The following KIF18A variants were observed in gnomAD, a reference collection of about 807,000 sequenced individuals.
KIF18A encodes kinesin family member 18A, also known as kinesin-like protein KIF18A.
A neutral mutation model predicts 103.3 loss-of-function variants in KIF18A; 67 were observed. The ratio of observed to expected loss-of-function variants is 0.65; its 90% confidence interval spans 0.53 to 0.79. The LOEUF (loss-of-function observed/expected upper bound fraction) is 0.79. Among genes scored for constraint, KIF18A ranks in the 30% least tolerant of loss-of-function variants. The pLI, the probability that KIF18A is intolerant of heterozygous loss-of-function variation, is 0.00. For missense variants in KIF18A, 1,032 were observed against 1,062.5 expected (o/e 0.97, Z 0.40); for synonymous variants, 367 against 355.5 (o/e 1.03, Z -0.36).
At chr11:28,094,545 T>G in intron 3 of KIF18A, 98 bp downstream of exon 3, 1 of 841,664 alleles carries the variant, frequency 1.2e-6, no homozygotes, top group Admixed American at 2.5e-5. Context: ...TTAATGATTT[T>G]ATATATTCAC....
rs186640381 is a variant in KIF18A at position 28,106,312 on chromosome 11, T to G, written c.-47+1752A>C. Among the ~76,000 whole-genome samples the G allele has an allele frequency of 1.2e-3, 184 of 152,274 alleles. 1 individual carries two copies. Among genetic ancestry groups the G allele is most frequent in the Admixed American group, 0.01 (153 of 15,298 alleles). ...GAAGTAGAGTGACAGTTATGATATATTAAATACAAACTCAAACCTGAATTA... is the reference window on the plus strand; with the variant it reads ...GAAGTAGAGTGACAGTTATGATATAGTAAATACAAACTCAAACCTGAATTA... On this transcript the variant is annotated intron_variant, in intron 1 of 16. Coordinates refer to ENST00000263181, the MANE Select transcript of KIF18A (RefSeq NM_031217.4).
chr11:28,062,443 A>T lies in KIF18A; in HGVS notation c.1664T>A (p.Met555Lys). Residue 555 changes from methionine to lysine, a missense_variant, in exon 12 of 17, where the codon ATG (methionine) becomes AAG (lysine). Transcript: ENST00000263181. The stretch of plus-strand genomic sequence containing the variant: ...TTCCTGAAGACAAGCTAGATCCATC[A>T]TATGTCTAATTTGTGCTTTCAAATC... ...NKDLKAQIRHMMDLACLQEQQ... is the reference protein window; with the variant it reads ...NKDLKAQIRHKMDLACLQEQQ... 2 of 1,612,020 alleles carry T rather than the reference A, an allele frequency of 1.2e-6. No individual in the cohort carries two copies. The highest frequency in any genetic ancestry group is 2.2e-5 in the South Asian group (2 of 90,830).
At chr11:28,077,193 A>G in intron 9 of KIF18A, 24 bp from the exon 10 acceptor site, 2 of 1,508,420 alleles carry the variant, frequency 1.3e-6, no homozygotes, top group South Asian at 2.5e-5. Flanking sequence ...AACACATTAC[A>G]GAATCTCACT....
At chr11:28,083,097 G>A in intron 8 of KIF18A, 72 bp downstream of exon 8, 1 of 1,525,524 alleles carries the variant, frequency 6.6e-7, no homozygotes, top group Non-Finnish European at 8.8e-7. Context: ...TAAATTTTTG[G>A]ACAATTAAGA....
At position 28,069,349 on chromosome 11, in the gene KIF18A, C is replaced by T. The variant is rs377690350; in HGVS notation, c.1500G>A (p.Glu500=). 8 of 1,613,298 alleles carry T rather than the reference C, an allele frequency of 5.0e-6. No homozygotes were observed. The highest frequency in any genetic ancestry group is 1.7e-5 in the Admixed American group (1 of 59,928). Residue 500 remains glutamate (E), a synonymous_variant, in exon 11 of 17, where the codon GAG becomes GAA. Transcript: ENST00000263181. ...TATTCTCATCAAATTGCTTCAATTC[C>T]TCCTCCCTCCTTTTCTCCAGGTAGG... ...RRSYLEKRRE[E]ELKQFDENTN...
chr11:28,025,163 T>C (rs901513452), intron 15 of KIF18A, among the ~76,000 whole-genome samples: 3 of 152,072 alleles, frequency 2.0e-5, no homozygotes, highest in East Asian at 3.9e-4. Flanking sequence ...AAAACTTGAA[T>C]AAGGGGTGAC....
At chr11:28,022,389 C>T (rs1025658699) in intron 16 of KIF18A, among the ~76,000 whole-genome samples, 21 of 151,888 alleles carry the variant, frequency 1.4e-4, no homozygotes, top group African/African-American at 5.1e-4. Context: ...CTCAGCTTCC[C>T]GAGTAGCTGG....
intron 13 of KIF18A, among the ~76,000 whole-genome samples, chr11:28,045,738 G>C: frequency 6.6e-6 from 1 of 151,890 alleles, no homozygotes; most frequent in South Asian, 2.1e-4. Context: ...AAACACTAAT[G>C]AATCAAGAAA....
intron 6 of KIF18A, among the ~76,000 whole-genome samples, chr11:28,085,599 C>T (rs1390165828): frequency 1.3e-5 from 2 of 152,124 alleles, no homozygotes; most frequent in Non-Finnish European, 2.9e-5. Context: ...CCTATGATCA[C>T]GTGACTTGCC....
intron 6 of KIF18A, among the ~76,000 whole-genome samples, chr11:28,085,529 C>T (rs1334436906): frequency 2.0e-5 from 3 of 152,104 alleles, no homozygotes; most frequent in Non-Finnish European, 2.9e-5. Context: ...GAAGAAAACA[C>T]GGATGTATGC....
chr11:28,026,832 G>A (rs1459883227), intron 15 of KIF18A, among the ~76,000 whole-genome samples: 2 of 151,770 alleles, frequency 1.3e-5, no homozygotes, highest in African/African-American at 4.8e-5. Flanking sequence ...AGTGATAAAA[G>A]TAGACGAAAC....
chr11:28,035,344 C>A, intron 15 of KIF18A, 43 bp downstream of exon 15: 3 of 1,007,246 alleles, frequency 3.0e-6, no homozygotes, highest in East Asian at 2.6e-5. Context: ...TAAAGATTAT[C>A]TTATATAACT....
At chr11:28,087,593 G>A (rs545926136) in intron 6 of KIF18A, among the ~76,000 whole-genome samples, 9 of 152,188 alleles carry the variant, frequency 5.9e-5, no homozygotes, top group African/African-American at 1.2e-4. Flanking sequence ...TTCTTTGGGC[G>A]TATATACCCA....
At chr11:28,047,636 G>A (rs1000491082) in intron 13 of KIF18A, among the ~76,000 whole-genome samples, 2 of 152,062 alleles carry the variant, frequency 1.3e-5, no homozygotes, top group African/African-American at 4.8e-5. Context: ...GCCAGAGTTG[G>A]AGTCATGTTT....
chr11:28,047,075 A>AAAAGAG (rs1309407383), intron 13 of KIF18A, among the ~76,000 whole-genome samples: 1 of 151,074 alleles, frequency 6.6e-6, no homozygotes, highest in Admixed American at 6.6e-5. Context: ...AAAAAAAAAA[A>AAAAGAG]AAAGAGAAAG....
chr11:28,066,217 A>G (rs1398316676), intron 11 of KIF18A, among the ~76,000 whole-genome samples: 1 of 152,102 alleles, frequency 6.6e-6, no homozygotes, highest in Non-Finnish European at 1.5e-5. Flanking sequence ...ATAAACTATT[A>G]AATAATAAGT....
At chr11:28,030,993 C>A (rs1214832145) in intron 15 of KIF18A, among the ~76,000 whole-genome samples, 1 of 151,294 alleles carries the variant, frequency 6.6e-6, no homozygotes, top group East Asian at 1.9e-4. Context: ...TACCATCTCA[C>A]ACCAGTTAGA....
chr11:28,032,706 C>T (rs1157479690), intron 15 of KIF18A, among the ~76,000 whole-genome samples: 1 of 151,820 alleles, frequency 6.6e-6, no homozygotes, highest in Non-Finnish European at 1.5e-5. Context: ...TTGCAATATA[C>T]AGAAATGAAA....
At chr11:28,095,169 T>C (rs1222673255) in intron 2 of KIF18A, among the ~76,000 whole-genome samples, 2 of 152,244 alleles carry the variant, frequency 1.3e-5, no homozygotes, top group African/African-American at 4.8e-5. Flanking sequence ...TGTTCCAGGT[T>C]TACATAAGTT....
Sources: gnomAD v4.1 joint callset for allele counts (sites outside exome capture counted in the v4.1 genomes callset) on GRCh38, gnomAD v4.1.1 for gene constraint, MANE v1.5 for transcripts, NCBI Gene and HGNC (gene_info 2026-07-23, HGNC 2026-07-21) for gene names.